Variants in CCDC6 observed in about 807,000 individuals in gnomAD.
The protein encoded by CCDC6 is coiled-coil domain-containing protein 6.
A neutral mutation model predicts 56.6 loss-of-function variants in CCDC6; 20 were observed. That is an observed-to-expected ratio of 0.35 (90% CI 0.25 to 0.51). The LOEUF is 0.51. Among genes scored for constraint, CCDC6 ranks in the 20% least tolerant of loss-of-function variants. The probability of loss-of-function intolerance (pLI) is 0.95; values close to 1 mark genes in which losing one functional copy is unlikely to be tolerated. For missense variants in CCDC6, 367 were observed against 601.1 expected, an observed-to-expected ratio of 0.61 and a Z score of 4.07; for synonymous variants, 241 against 234.4, an observed-to-expected ratio of 1.03 and a Z score of -0.26.
intron 3 of CCDC6, among the ~76,000 whole-genome samples, chr10:59,819,766 G>A (rs540802805): frequency 3.3e-5 from 5 of 152,214 alleles, no homozygotes; most frequent in South Asian, 4.2e-4. Flanking sequence ...TGGTGTTCAT[G>A]CAATACGTAC....
chr10:59,883,047 A>G (rs2071357387), intron 1 of CCDC6, among the ~76,000 whole-genome samples: 1 of 152,026 alleles, frequency 6.6e-6, no homozygotes, highest in South Asian at 2.1e-4. Context: ...GGTTTAATTC[A>G]GTAGGAAAAA....
intron 1 of CCDC6, among the ~76,000 whole-genome samples, chr10:59,887,574 G>A (rs2071391986): frequency 6.6e-6 from 1 of 151,650 alleles, no homozygotes; most frequent in South Asian, 2.1e-4. Context: ...GCCACCTTTT[G>A]TGTTAAAGGG....
At chr10:59,846,614 T>C (rs1158209681) in intron 2 of CCDC6, among the ~76,000 whole-genome samples, 3 of 152,226 alleles carry the variant, frequency 2.0e-5, no homozygotes, top group Non-Finnish European at 2.9e-5. Context: ...TATTAGGATA[T>C]GGCTACAATA....
intron 3 of CCDC6, among the ~76,000 whole-genome samples, chr10:59,815,147 G>T (rs2070701328): frequency 6.6e-6 from 1 of 152,090 alleles, no homozygotes; most frequent in Admixed American, 6.5e-5. Context: ...AAGTCAGAAA[G>T]GTTATATTAC....
chr10:59,895,530 G>C (rs2071455621), intron 1 of CCDC6, among the ~76,000 whole-genome samples: 1 of 152,200 alleles, frequency 6.6e-6, no homozygotes, highest in Admixed American at 6.5e-5. Context: ...GATTAAATGA[G>C]AGGATATACG....
At chr10:59,827,778 C>T (rs184517586) in intron 3 of CCDC6, among the ~76,000 whole-genome samples, 60 of 152,218 alleles carry the variant, frequency 3.9e-4, no homozygotes, top group African/African-American at 1.3e-3. Flanking sequence ...AAAAAAGACA[C>T]AGGGCCAACT....
intron 1 of CCDC6, among the ~76,000 whole-genome samples, chr10:59,863,197 A>G (rs1299267248): frequency 6.6e-6 from 1 of 152,206 alleles, no homozygotes; most frequent in Non-Finnish European, 1.5e-5. Context: ...GAGGAACAGA[A>G]TAGGAATGAA....
At chr10:59,891,744 G>A (rs1409397516) in intron 1 of CCDC6, among the ~76,000 whole-genome samples, 1 of 152,008 alleles carries the variant, frequency 6.6e-6, no homozygotes, top group Admixed American at 6.6e-5. Context: ...CAGCAAAAGA[G>A]GGAAGGGCAG....
intron 1 of CCDC6, among the ~76,000 whole-genome samples, chr10:59,890,966 G>C (rs998753069): frequency 6.6e-6 from 1 of 151,990 alleles, no homozygotes; most frequent in Admixed American, 6.6e-5. Context: ...TCCCACCTAT[G>C]AGTGAGAACA....
intron 1 of CCDC6, among the ~76,000 whole-genome samples, chr10:59,890,710 CTTTTT>C (rs1158166785): frequency 1.3e-5 from 2 of 151,708 alleles, no homozygotes; most frequent in Admixed American, 1.3e-4. Flanking sequence ...TGTTTTTTTT[CTTTTT>C]TATTTATTTA....
chr10:59,892,427 A>G (rs1375526280), intron 1 of CCDC6, among the ~76,000 whole-genome samples: 1 of 152,136 alleles, frequency 6.6e-6, no homozygotes, highest in Non-Finnish European at 1.5e-5. Context: ...GTTCCCAGGC[A>G]TCCCCAAGCA....
intron 3 of CCDC6, among the ~76,000 whole-genome samples, chr10:59,815,621 G>A (rs1160891704): frequency 6.6e-6 from 1 of 152,114 alleles, no homozygotes; most frequent in Non-Finnish European, 1.5e-5. Flanking sequence ...AGTGCAAGAG[G>A]TTTCATAGCA....
At chr10:59,896,023 A>C (rs569827850) in intron 1 of CCDC6, among the ~76,000 whole-genome samples, 1 of 152,194 alleles carries the variant, frequency 6.6e-6, no homozygotes, top group African/African-American at 2.4e-5. Context: ...TGTTGCCAGG[A>C]AAGTAATGTT....
At chr10:59,834,620 G>A (rs891005443) in intron 2 of CCDC6, among the ~76,000 whole-genome samples, 5 of 151,736 alleles carry the variant, frequency 3.3e-5, no homozygotes, top group African/African-American at 1.2e-4. Context: ...TTCCAACACT[G>A]GAAATATTGA....
chr10:59,871,857 G>GA (rs997608220), intron 1 of CCDC6, among the ~76,000 whole-genome samples: 10 of 149,080 alleles, frequency 6.7e-5, no homozygotes, highest in Admixed American at 1.3e-4. Context: ...ATTGGCAAAA[G>GA]AAAAAAAAAT....
rs78868784 is a variant in CCDC6, at chr10:59,803,865, A to G, written c.1105+555T>C. Among the ~76,000 whole-genome samples the G allele has an allele frequency of 8.2e-3, 1,248 of 152,342 alleles. 23 individuals are homozygous for G. The highest frequency in any genetic ancestry group is 0.029 in the African/African-American group (1,185 of 41,574). On this transcript the variant is annotated intron_variant, in intron 7 of 8. Coordinates refer to ENST00000263102, the MANE Select transcript of CCDC6 (RefSeq NM_005436.5). ...CTCACCAATCACTGGAAATATCAGGAGGCAGCTCATGCTAGAAAGAACACA... is the reference window on the plus strand; with the variant it reads ...CTCACCAATCACTGGAAATATCAGGGGGCAGCTCATGCTAGAAAGAACACA...
chr10:59,904,139 C>T (rs188886219), intron 1 of CCDC6, among the ~76,000 whole-genome samples: 1 of 152,280 alleles, frequency 6.6e-6, no homozygotes, highest in Admixed American at 6.5e-5. Flanking sequence ...GTTAACTTTA[C>T]TCATTAACAC....
chr10:59,882,002 C>CCG (rs1564755747), intron 1 of CCDC6, among the ~76,000 whole-genome samples: 13 of 112,124 alleles, frequency 1.2e-4, no homozygotes, highest in Admixed American at 3.3e-4. Flanking sequence ...AGAAGGAAAG[C>CCG]TGGGGAGAAG....
intron 3 of CCDC6, among the ~76,000 whole-genome samples, chr10:59,820,342 G>T (rs1017452828): frequency 1.3e-5 from 2 of 152,160 alleles, no homozygotes; most frequent in Non-Finnish European, 2.9e-5. Context: ...TTTTCAATCT[G>T]CTTTGAAAGG....
Sources: allele counts gnomAD v4.1 joint callset (sites outside exome capture counted in the v4.1 genomes callset), GRCh38; gene constraint gnomAD v4.1.1; transcripts MANE v1.5; gene names NCBI Gene and HGNC (gene_info 2026-07-23, HGNC 2026-07-21).